CDH13: variants seen among roughly 807,000 people sequenced by gnomAD.
The protein encoded by CDH13 is cadherin-13.
A neutral mutation model predicts 63.8 loss-of-function variants in CDH13; 24 were observed. That is an observed-to-expected ratio of 0.38 (90% confidence interval 0.27 to 0.53). CDH13 has a LOEUF of 0.53. Among genes scored for constraint, CDH13 ranks in the 20% least tolerant of loss-of-function variants. The pLI is 0.85. For synonymous variants in CDH13, 503 were observed against 355.3 expected (o/e 1.42, Z -4.67); for missense variants, 1,049 against 903.1 (o/e 1.16, Z -2.07).
At chr16:83,051,567 T>A (rs1173979686) in intron 3 of CDH13, among the ~76,000 whole-genome samples, 1 of 152,226 alleles carries the variant, frequency 6.6e-6, no homozygotes, top group Non-Finnish European at 1.5e-5. Flanking sequence ...CTTACAAGAT[T>A]TGCAAATTCC....
intron 7 of CDH13, among the ~76,000 whole-genome samples, chr16:83,584,843 C>A (rs375498402): frequency 6.6e-6 from 1 of 152,184 alleles, no homozygotes; most frequent in Non-Finnish European, 1.5e-5. Flanking sequence ...AGAAAGCTTA[C>A]AATCACGGCA....
intron 1 of CDH13, among the ~76,000 whole-genome samples, chr16:82,746,764 G>A (rs1007438936): frequency 6.6e-6 from 1 of 152,030 alleles, no homozygotes; most frequent in African/African-American, 2.4e-5. Flanking sequence ...AAAAATTTCA[G>A]CTTATAAAGA....
chr16:82,917,070 C>T (rs1296009111), intron 2 of CDH13, among the ~76,000 whole-genome samples: 1 of 152,170 alleles, frequency 6.6e-6, no homozygotes, highest in Non-Finnish European at 1.5e-5. Context: ...TCTTTTAAAC[C>T]ACTGTGACAG....
chr16:83,231,294 G>A (rs1264440027), intron 5 of CDH13, among the ~76,000 whole-genome samples: 3 of 152,190 alleles, frequency 2.0e-5, no homozygotes, highest in African/African-American at 7.2e-5. Flanking sequence ...CCTACTGAAG[G>A]TCAGCTACTG....
At chr16:83,379,717 T>C (rs2091521930) in intron 6 of CDH13, among the ~76,000 whole-genome samples, 1 of 152,096 alleles carries the variant, frequency 6.6e-6, no homozygotes, top group African/African-American at 2.4e-5. Context: ...CAGTTGTTCA[T>C]TACTGCATTG....
chr16:82,983,269 C>G (rs1229520509), intron 2 of CDH13, among the ~76,000 whole-genome samples: 5 of 152,162 alleles, frequency 3.3e-5, no homozygotes, highest in African/African-American at 1.2e-4. Flanking sequence ...CTCCTTCACT[C>G]AAGGTCAGAT....
intron 6 of CDH13, among the ~76,000 whole-genome samples, chr16:83,349,672 C>G (rs1037636824): frequency 6.6e-5 from 10 of 151,920 alleles, no homozygotes; most frequent in African/African-American, 2.4e-4. Context: ...ATGATCTCAG[C>G]TCACTGCAAC....
At chr16:82,926,475 A>T (rs765199092) in intron 2 of CDH13, among the ~76,000 whole-genome samples, 8 of 152,188 alleles carry the variant, frequency 5.3e-5, no homozygotes, top group Non-Finnish European at 7.3e-5. Context: ...CCAGATTGCT[A>T]AGTTCTGCAT....
chr16:83,074,041 G>C (rs6565113), intron 3 of CDH13, among the ~76,000 whole-genome samples: 1 of 151,818 alleles, frequency 6.6e-6, no homozygotes, highest in Non-Finnish European at 1.5e-5. Context: ...CAATACATTG[G>C]TGTGAGCTGT....
At chr16:82,687,549 C>A (rs1005107779) in intron 1 of CDH13, among the ~76,000 whole-genome samples, 7 of 152,074 alleles carry the variant, frequency 4.6e-5, no homozygotes, top group African/African-American at 1.7e-4. Flanking sequence ...AGAGCATGTG[C>A]AGGGGAACTC....
intron 1 of CDH13, chr16:82,824,954 C>A: frequency 6.6e-6 from 1 of 151,942 alleles, no homozygotes; most frequent in Non-Finnish European, 1.5e-5. Flanking sequence ...TTTACAGATA[C>A]CTTCTAAATA....
intron 4 of CDH13, among the ~76,000 whole-genome samples, chr16:83,187,841 A>G (rs1031017073): frequency 1.3e-5 from 2 of 152,130 alleles, no homozygotes; most frequent in African/African-American, 2.4e-5. Context: ...ATGGAGGTCA[A>G]TGGCTAGAGA....
At chr16:82,813,330 G>C (rs879576106) in intron 1 of CDH13, among the ~76,000 whole-genome samples, 1 of 152,122 alleles carries the variant, frequency 6.6e-6, no homozygotes, top group Non-Finnish European at 1.5e-5. Context: ...GCTCCTCTTG[G>C]GATCAGAACT....
intron 5 of CDH13, among the ~76,000 whole-genome samples, chr16:83,250,858 G>C (rs1425918800): frequency 1.3e-5 from 2 of 152,154 alleles, no homozygotes; most frequent in African/African-American, 4.8e-5. Context: ...AGTGATATGG[G>C]AGTGACTTAA....
chr16:82,751,823 G>C (rs2034429413), intron 1 of CDH13, among the ~76,000 whole-genome samples: 1 of 152,086 alleles, frequency 6.6e-6, no homozygotes, highest in Non-Finnish European at 1.5e-5. Context: ...TAGTTTATCA[G>C]CACACAGTGT....
At position 83,795,113 on chromosome 16, in the gene CDH13, G is replaced by A; in HGVS notation, c.*83G>A. On this transcript the variant is annotated 3_prime_UTR_variant, in exon 14 of 14. Coordinates refer to ENST00000567109, the MANE Select transcript of CDH13 (RefSeq NM_001257.5). Reference sequence around the variant, plus strand: ...AATCTATCCAAATCTGAAGATTGCGGTTTACAGCTATCGAACTTCACAACT... The same window carrying A: ...AATCTATCCAAATCTGAAGATTGCGATTTACAGCTATCGAACTTCACAACT... 2.4e-6 allele frequency: 3 copies of A among 1,249,540 alleles called. No homozygotes were observed. The highest frequency in any genetic ancestry group is 1.5e-5 in the African/African-American group (1 of 66,132). 77.4% of individuals were successfully genotyped at this position (1,249,540 alleles called of 1,614,324 possible). A position where few individuals can be genotyped will look rare whatever the true frequency, so the allele number is the denominator to read the frequency against.
chr16:83,157,001 CT>C (rs1328460125), intron 4 of CDH13, among the ~76,000 whole-genome samples: 1 of 152,022 alleles, frequency 6.6e-6, no homozygotes, highest in African/African-American at 2.4e-5. Flanking sequence ...TGGAATTCTC[CT>C]TTTCTTTTTC....
At chr16:83,670,243 C>G (rs1914383422) in intron 8 of CDH13, among the ~76,000 whole-genome samples, 1 of 152,210 alleles carries the variant, frequency 6.6e-6, no homozygotes. Flanking sequence ...ACTTACAAGT[C>G]TTAACGCTTG....
At chr16:83,233,577 G>A (rs770641166) in intron 5 of CDH13, among the ~76,000 whole-genome samples, 10 of 152,118 alleles carry the variant, frequency 6.6e-5, no homozygotes, top group African/African-American at 9.7e-5. Context: ...ATCATTCTCC[G>A]ACCTTTTCCA....
Sources: allele counts gnomAD v4.1 joint callset (sites outside exome capture counted in the v4.1 genomes callset), GRCh38; gene constraint gnomAD v4.1.1; transcripts MANE v1.5; gene names NCBI Gene and HGNC (gene_info 2026-07-23, HGNC 2026-07-21).